TTN: variants seen among roughly 807,000 people sequenced by gnomAD.
TTN encodes the protein titin.
TTN carries 1,525 observed loss-of-function variants against 3,223.0 expected under a neutral mutation model. The observed-to-expected ratio is 0.47, with a 90% CI of 0.45 to 0.49. The LOEUF is 0.49. Ranked by LOEUF, TTN falls within the 20% of genes least tolerant of loss-of-function variation. The pLI is 0.00. For missense variants in TTN, 40,786 were observed against 43,424.0 expected (o/e 0.94, Z 5.40); for synonymous variants, 14,094 against 15,161.0 (o/e 0.93, Z 5.17).
chr2:178,669,037 A>G (rs1315833629), intron 159 of TTN, among the ~76,000 whole-genome samples: 1 of 152,140 alleles, frequency 6.6e-6, no homozygotes, highest in Non-Finnish European at 1.5e-5. Flanking sequence ...TCCAATTAAA[A>G]TATTATGGAG....
At chr2:178,647,624 A>T (rs570624731) in intron 213 of TTN, among the ~76,000 whole-genome samples, 160 bp from the exon 214 acceptor site, 4 of 152,234 alleles carry the variant, frequency 2.6e-5, no homozygotes, top group African/African-American at 9.6e-5. Context: ...AATTTTATAT[A>T]TGAATCTTCT....
At chr2:178,766,326 A>G (rs2090414470) in intron 41 of TTN, 55 bp downstream of exon 41, 1 of 1,360,208 alleles carries the variant, frequency 7.4e-7, no homozygotes, top group Non-Finnish European at 1.1e-6. Context: ...TGACTTAAAC[A>G]GGAGGATTAT....
intron 163 of TTN, among the ~76,000 whole-genome samples, chr2:178,666,593 C>G (rs1282420118): frequency 6.6e-6 from 1 of 152,100 alleles, no homozygotes; most frequent in Non-Finnish European, 1.5e-5. Context: ...TAAAAATACA[C>G]TGACTCAACT....
At position 178,770,238 on chromosome 2, in the gene TTN, G is replaced by C; in HGVS notation, c.8463C>G (p.Asp2821Glu). 6.2e-7 allele frequency: 1 copy of C among 1,614,130 alleles called. No homozygotes were observed. Among genetic ancestry groups the C allele is most frequent in the Non-Finnish European group, 8.5e-7 (1 of 1,180,004 alleles). Residue 2821 changes from aspartate (D) to glutamate (E), a missense_variant, in exon 36 of 363, where the codon GAC becomes GAG. Physicochemically the swap from Asp to Glu is conservative, Grantham distance 45 (BLOSUM62 2). Coordinates refer to ENST00000589042, the MANE Select transcript of TTN (RefSeq NM_001267550.2). ...TVAFEVSVSHDTVPVKWFHKS... is the reference protein window; with the variant it reads ...TVAFEVSVSHETVPVKWFHKS... The stretch of plus-strand genomic sequence containing the variant: ...TATGGAACCATTTTACTGGAACAGT[G>C]TCATGGGAAACACTAACTTCAAAGG...
chr2:178,793,657 G>A (rs1574912046), intron 8 of TTN, 116 bp from the exon 9 acceptor site: 1 of 1,428,552 alleles, frequency 7.0e-7, no homozygotes, highest in East Asian at 2.4e-5. Context: ...AAAATTAGCT[G>A]GGTGTGGTGG....
Position 178,664,014 on chromosome 2 carries a change from C to G in TTN, c.36364+1G>C, listed in dbSNP as rs777040601. ...TGAAGCCTAAAGTCAGTGACAAATACCTTTAACAGGTGGGACTTCAGGCTT... is the reference window on the plus strand; with the variant it reads ...TGAAGCCTAAAGTCAGTGACAAATAGCTTTAACAGGTGGGACTTCAGGCTT... On this transcript the variant is annotated splice_donor_variant, in intron 169 of 362. Coordinates refer to ENST00000589042, the MANE Select transcript of TTN (RefSeq NM_001267550.2). LOFTEE classifies it high-confidence loss of function. 2.8e-5 allele frequency: 45 copies of G among 1,613,046 alleles called. No homozygotes were observed. In the East Asian group the frequency reaches 8.2e-4, roughly 30 times the overall value.
chr2:178,530,676 C>T lies in TTN; in HGVS notation c.105939G>A (p.Arg35313=). 1 of 1,613,916 alleles carries T rather than the reference C, an allele frequency of 6.2e-7. No individual in the cohort carries two copies. The highest frequency in any genetic ancestry group is 1.1e-5 in the South Asian group (1 of 91,072). ...CTTTATACCAGGTGACCTCTTTTGC[C>T]CTTAATACACTGCTTTCAACCACAC... ...LTCVVESSVL[R]AKEVTWYKDG... The change falls in exon 358 of 363, where the codon AGG becomes AGA. Residue 35313 remains arginine (R), a synonymous_variant. Transcript: ENST00000589042.
Position 178,589,275 on chromosome 2 carries a change from C to T in TTN, c.62450G>A (p.Arg20817Lys). Residue 20817 changes from arginine (R) to lysine (K), a missense_variant, in exon 304 of 363, where the codon AGG (arginine) becomes AAG (lysine). Coordinates refer to ENST00000589042, the MANE Select transcript of TTN (RefSeq NM_001267550.2). The part of the protein sequence containing the change: ...KDATDLTRSP[R>K]VKIDTRADSS... ...ATCAGCACGGGTATCAATCTTGACCCTTGGTGATCTTGTTAAGTCTGTAGC... is the reference window on the plus strand; with the variant it reads ...ATCAGCACGGGTATCAATCTTGACCTTTGGTGATCTTGTTAAGTCTGTAGC... 6.2e-7 allele frequency: 1 copy of T among 1,613,388 alleles called. No homozygotes were observed. The highest frequency in any genetic ancestry group is 1.1e-5 in the South Asian group (1 of 91,062).
In TTN at chr2:178,539,460, G is replaced by A. The variant is rs186244950; in HGVS notation, c.98605C>T (p.Arg32869Cys). Residue 32869 changes from arginine (R) to cysteine (C), a missense_variant, in exon 352 of 363, where the codon CGT becomes TGT. Transcript: ENST00000589042. ...CCAAACTGGTTTTCTGCTGAAACAC[G>A]GAAATGGTATTCTACATTCTCTTTG... is the stretch of plus-strand genomic sequence containing the variant. ...GLKENVEYHF[R>C]VSAENQFGIS... is the part of the protein sequence containing the mutation. The A allele has an allele frequency of 1.2e-4, 193 of 1,613,804 alleles. No individual in the cohort carries two copies. Among genetic ancestry groups the A allele is most frequent in the South Asian group, 4.8e-4 (44 of 91,080 alleles).
intron 1 of TTN, among the ~76,000 whole-genome samples, chr2:178,806,760 T>G (rs1008168597): frequency 6.6e-6 from 1 of 152,230 alleles, no homozygotes; most frequent in Admixed American, 6.5e-5. Flanking sequence ...GTCACTGTCC[T>G]GCAACTGATA....
rs1396279222 is a variant in TTN, at chr2:178,732,845, A to G, written c.16331T>C (p.Leu5444Pro). The G allele has an allele frequency of 6.2e-7, 1 of 1,609,624 alleles. No homozygotes were observed. Among genetic ancestry groups the G allele is most frequent in the Admixed American group, 1.7e-5 (1 of 59,754 alleles). The part of the protein sequence containing the change: ...SVGSKDSSGA[L>P]IVQEPPSFVT... Reference sequence around the variant, plus strand: ...AGTCTCCAGCCAACCTTGCACAATCAGGGCTCCACTGCTGTCTTTGCTTCC... The same window carrying G: ...AGTCTCCAGCCAACCTTGCACAATCGGGGCTCCACTGCTGTCTTTGCTTCC... Residue 5444 changes from leucine (L) to proline (P), a missense_variant, in exon 55 of 363, where the codon CTG (leucine) becomes CCG (proline). Transcript: ENST00000589042.
intron 51 of TTN, 42 bp downstream of exon 51, chr2:178,734,665 C>G (rs1469912408): frequency 1.3e-6 from 2 of 1,570,118 alleles, no homozygotes; most frequent in African/African-American, 1.4e-5. Flanking sequence ...AAAGGGAAAT[C>G]TTTTCTCAGA....
chr2:178,757,231 T>TTA (rs1252574568), intron 45 of TTN, among the ~76,000 whole-genome samples: 1 of 148,872 alleles, frequency 6.7e-6, no homozygotes, highest in African/African-American at 2.5e-5. Context: ...TAAGTAATAA[T>TTA]CAGCAAATAG....
Position 178,735,789 on chromosome 2 carries a change from T to C in TTN, c.14657A>G (p.Asp4886Gly). 4 of 1,613,760 alleles carry C rather than the reference T, an allele frequency of 2.5e-6. No homozygotes were observed. The highest frequency in any genetic ancestry group is 3.4e-6 in the Non-Finnish European group (4 of 1,179,790). ...DICQAELIII[D>G]KPHFIKELEP... is the part of the protein sequence containing the mutation. ...TAATTCTTTAATGAAATGTGGCTTATCAATGATGATCAACTCTGCTTGGCA... is the reference window on the plus strand; with the variant it reads ...TAATTCTTTAATGAAATGTGGCTTACCAATGATGATCAACTCTGCTTGGCA... Residue 4886 changes from aspartate to glycine, a missense_variant, in exon 50 of 363, where the codon GAT becomes GGT. Coordinates refer to ENST00000589042, the MANE Select transcript of TTN (RefSeq NM_001267550.2).
chr2:178,762,488 C>T (rs1313162539), intron 43 of TTN, among the ~76,000 whole-genome samples: 3 of 152,102 alleles, frequency 2.0e-5, no homozygotes, highest in African/African-American at 4.8e-5. Flanking sequence ...AAAGGCAATA[C>T]TACCATATGT....
intron 209 of TTN, 70 bp downstream of exon 209, chr2:178,650,681 A>C (rs2062780193): frequency 7.3e-7 from 1 of 1,364,272 alleles, no homozygotes; most frequent in Non-Finnish European, 1.0e-6. Context: ...GTTAGGAAGG[A>C]AGAAGAACAA....
In TTN at chr2:178,580,232, G is replaced by A; in HGVS notation, c.67058-3C>T. ...ATTGACAGGTGGCCCAGGAGTATCT[G>A]GATAAATAGTAGGTAAATAAGAAAT... On this transcript the variant is annotated splice_polypyrimidine_tract_variant and splice_region_variant and intron_variant, in intron 317 of 362. Transcript: ENST00000589042. 1 of 1,610,906 alleles carries A rather than the reference G, an allele frequency of 6.2e-7. No homozygotes were observed. The highest frequency in any genetic ancestry group is 1.1e-5 in the South Asian group (1 of 90,222).
intron 100 of TTN, among the ~76,000 whole-genome samples, chr2:178,707,211 AT>A (rs1294087625): frequency 2.0e-5 from 3 of 152,212 alleles, no homozygotes; most frequent in African/African-American, 7.2e-5. Context: ...TTCCAGGTGT[AT>A]CACAACAGCC....
Position 178,598,904 on chromosome 2 carries a change from G to A in TTN, c.56806C>T (p.Arg18936Ter), listed in dbSNP as rs72646828. ...AAAGTCATGGCTTTGATAGGATCTC[G>A]GTTAACTCTCTTCCATCTCTTTGAA... ...TTSKRWKRVN[R>*]DPIKAMTLGV... is the part of the protein sequence containing the mutation. The change falls in exon 291 of 363, where the codon CGA becomes TGA. Residue 18936 changes from arginine to a stop codon, truncating the protein, a stop_gained. Coordinates refer to ENST00000589042, the MANE Select transcript of TTN (RefSeq NM_001267550.2). LOFTEE classifies it high-confidence loss of function. The A allele has an allele frequency of 1.9e-6, 3 of 1,612,860 alleles. No individual in the cohort carries two copies. Among genetic ancestry groups the A allele is most frequent in the Non-Finnish European group, 2.5e-6 (3 of 1,179,454 alleles).
Sources: gnomAD v4.1 joint callset for allele counts (sites outside exome capture counted in the v4.1 genomes callset) on GRCh38, gnomAD v4.1.1 for gene constraint, MANE v1.5 for transcripts, NCBI Gene and HGNC (gene_info 2026-07-23, HGNC 2026-07-21) for gene names.